ANK3: variants seen among roughly 807,000 people sequenced by gnomAD.
The protein encoded by ANK3 is ankyrin-3.
Under a neutral mutation model 370.9 loss-of-function variants are expected in ANK3, and 57 were observed. That is an observed-to-expected ratio of 0.15 (90% CI 0.12 to 0.19). The LOEUF is 0.19. Ranked by LOEUF, ANK3 falls within the 10% of genes least tolerant of loss-of-function variation. The pLI is 1.00. For missense variants in ANK3, 4,439 were observed against 5,302.1 expected (o/e 0.84, Z 5.06); for synonymous variants, 1,929 against 1,946.3 (o/e 0.99, Z 0.23).
rs563946588 is a variant in ANK3 at position 60,036,422 on chromosome 10, A to ATTTTTTTTTTT, written c.*19+6239_*19+6249dup. ...CTGCGGAAGAGAGAGGTCAGAGGCA[A>ATTTTTTTTTTT]TTTTTTTTTTTTTTTTTTTTTTTTT... is the stretch of plus-strand genomic sequence containing the variant. On this transcript the variant is annotated intron_variant, in intron 43 of 43. Coordinates refer to ENST00000280772, the MANE Select transcript of ANK3 (RefSeq NM_020987.5). Among the ~76,000 whole-genome samples the ATTTTTTTTTTT allele has an allele frequency of 2.4e-3, 177 of 72,286 alleles. 37 individuals carry two copies. Among genetic ancestry groups the ATTTTTTTTTTT allele is most frequent in the East Asian group, 7.1e-3 (15 of 2,124 alleles). 47.4% of individuals were successfully genotyped at this position (72,286 alleles called of 152,430 possible). A position where few individuals can be genotyped will look rare whatever the true frequency, so the allele number is the denominator to read the frequency against.
intron 8 of ANK3, among the ~76,000 whole-genome samples, chr10:60,228,208 C>G (rs2097192077): frequency 6.6e-6 from 1 of 152,146 alleles, no homozygotes; most frequent in Non-Finnish European, 1.5e-5. Context: ...GAATTCTTGA[C>G]TTTCCAGTTG....
intron 26 of ANK3, among the ~76,000 whole-genome samples, chr10:60,112,488 T>A (rs771130446): frequency 4.6e-5 from 7 of 152,176 alleles, no homozygotes; most frequent in Non-Finnish European, 8.8e-5. Context: ...TGTTACTAAC[T>A]CAAAAGCCAC....
chr10:60,138,023 A>G (rs1048933124), intron 24 of ANK3, among the ~76,000 whole-genome samples: 6 of 152,156 alleles, frequency 3.9e-5, no homozygotes, highest in African/African-American at 1.4e-4. Context: ...TTATAAGGCA[A>G]AAGTTCTACC....
intron 2 of ANK3, among the ~76,000 whole-genome samples, chr10:60,471,566 G>A (rs1465075772): frequency 6.6e-6 from 1 of 152,118 alleles, no homozygotes; most frequent in East Asian, 1.9e-4. Context: ...ACATTATCAT[G>A]AGGGCTTGTT....
At chr10:60,595,075 A>G (rs1414514744) in intron 2 of ANK3, among the ~76,000 whole-genome samples, 4 of 152,156 alleles carry the variant, frequency 2.6e-5, no homozygotes, top group Admixed American at 2.0e-4. Context: ...GAAGCACAGA[A>G]CCTGTCAACT....
chr10:60,288,753 T>G (rs1230750657), intron 1 of ANK3, among the ~76,000 whole-genome samples: 3 of 151,754 alleles, frequency 2.0e-5, no homozygotes, highest in Non-Finnish European at 4.4e-5. Context: ...TTTTGAGGAG[T>G]GAAAAGACAT....
At chr10:60,134,124 T>C in intron 25 of ANK3, 147 bp downstream of exon 25, 3 of 446,520 alleles carry the variant, frequency 6.7e-6, no homozygotes, top group South Asian at 5.8e-5. Flanking sequence ...GTACAACTTA[T>C]TTTTTTTTAA....
At chr10:60,592,657 G>A (rs771288960) in intron 2 of ANK3, among the ~76,000 whole-genome samples, 5 of 152,170 alleles carry the variant, frequency 3.3e-5, no homozygotes, top group African/African-American at 9.7e-5. Context: ...CCAGCTACTC[G>A]GGAGGCTGAG....
intron 43 of ANK3, among the ~76,000 whole-genome samples, chr10:60,033,341 C>T (rs1443398170): frequency 6.6e-6 from 1 of 151,688 alleles, no homozygotes; most frequent in African/African-American, 2.4e-5. Context: ...ATGGTGAAAC[C>T]CAGCCTCTAC....
chr10:60,408,976 C>T (rs944037931), intron 2 of ANK3, among the ~76,000 whole-genome samples: 4 of 152,110 alleles, frequency 2.6e-5, no homozygotes, highest in Non-Finnish European at 2.9e-5. Flanking sequence ...CATGGAGCAA[C>T]GCTATCATTA....
At chr10:60,057,962 A>G (rs1047612529) in intron 41 of ANK3, among the ~76,000 whole-genome samples, 2 of 152,246 alleles carry the variant, frequency 1.3e-5, no homozygotes, top group South Asian at 4.1e-4. Flanking sequence ...ATTGAGCAAG[A>G]AGCTTATTAA....
intron 1 of ANK3, among the ~76,000 whole-genome samples, chr10:60,684,166 AAGGG>A (rs1166778586): frequency 3.9e-5 from 6 of 152,228 alleles, no homozygotes; most frequent in Admixed American, 3.9e-4. Flanking sequence ...ATTATCTTGG[AAGGG>A]AGGGAGAAGC....
chr10:60,526,424 C>G (rs2076472685), intron 2 of ANK3, among the ~76,000 whole-genome samples: 3 of 152,130 alleles, frequency 2.0e-5, no homozygotes, highest in African/African-American at 7.2e-5. Context: ...TGCTTCTATA[C>G]ATTGGAGTCC....
At chr10:60,180,626 C>CAT (rs144253748) in intron 18 of ANK3, among the ~76,000 whole-genome samples, 33,644 of 115,012 alleles carry the variant, frequency 0.29, 5,192 homozygotes, top group African/African-American at 0.43. Context: ...AAAAAAAAAA[C>CAT]ATGTTAGAGT....
intron 1 of ANK3, among the ~76,000 whole-genome samples, chr10:60,294,465 T>C (rs1480122170): frequency 6.6e-6 from 1 of 152,124 alleles, no homozygotes; most frequent in Non-Finnish European, 1.5e-5. Flanking sequence ...CTTGCTAGAA[T>C]TGTTGGTAAA....
At chr10:60,168,210 G>A (rs1308576477) in intron 21 of ANK3, among the ~76,000 whole-genome samples, 1 of 152,120 alleles carries the variant, frequency 6.6e-6, no homozygotes, top group Non-Finnish European at 1.5e-5. Context: ...ATTTTTAGTA[G>A]AGACAGGTTT....
rs958222950 is a variant in ANK3 at position 60,594,260 on chromosome 10, G to T, written c.96+20926C>A. Among the ~76,000 whole-genome samples, 3 of 152,100 alleles carry T rather than the reference G, an allele frequency of 2.0e-5. No individual in the cohort carries two copies. In the South Asian group the frequency reaches 6.2e-4, roughly 32 times the overall value. On this transcript the variant is annotated intron_variant, in intron 2 of 43. Coordinates refer to the ANK3 transcript ENST00000373827. Reference sequence around the variant, plus strand: ...CTCTCAATGTTTCTTTGTAAAGATTGTTATAGCAGGGACTATAGCCACAAA... The same window carrying T: ...CTCTCAATGTTTCTTTGTAAAGATTTTTATAGCAGGGACTATAGCCACAAA...
chr10:60,069,196 G>A lies in ANK3; in HGVS notation c.11685C>T (p.Ser3895=), dbSNP rs7923682. The A allele has an allele frequency of 0.029, 46,563 of 1,614,060 alleles. 829 individuals are homozygous for A. Among genetic ancestry groups the A allele is most frequent in the Non-Finnish European group, 0.035 (41,245 of 1,179,994 alleles). ...KASKMKQVSQ[S]EKTKALTTSS... ...AAGTAGTAAGGGCTTTGGTTTTCTC[G>A]GATTGACTAACCTGCTTCATTTTAC... The change falls in exon 37 of 44, where the codon TCC becomes TCT. Residue 3895 remains serine, a synonymous_variant. Coordinates refer to ENST00000280772, the MANE Select transcript of ANK3 (RefSeq NM_020987.5).
At chr10:60,728,524 C>T (rs1014673250) in intron 1 of ANK3, among the ~76,000 whole-genome samples, 4 of 152,094 alleles carry the variant, frequency 2.6e-5, no homozygotes, top group Non-Finnish European at 5.9e-5. Context: ...TTCCTAGAAA[C>T]AAGGAAATGT....
Sources: allele counts gnomAD v4.1 joint callset (sites outside exome capture counted in the v4.1 genomes callset), GRCh38; gene constraint gnomAD v4.1.1; transcripts MANE v1.5; gene names NCBI Gene and HGNC (gene_info 2026-07-23, HGNC 2026-07-21).